The following EXOC2 variants were observed in gnomAD, a reference collection of about 807,000 sequenced individuals.
EXOC2 encodes the protein SEC5-like 1.
EXOC2 carries 70 observed loss-of-function variants against 131.8 expected under a neutral mutation model. The ratio of observed to expected loss-of-function variants is 0.53; its 90% confidence interval spans 0.44 to 0.65. The LOEUF is 0.65. EXOC2 is among the 30% of genes least tolerant of loss of function. EXOC2 has a pLI of 0.00. For missense variants in EXOC2, 923 were observed against 1,108.6 expected (o/e 0.83, Z 2.38); for synonymous variants, 411 against 398.4 (o/e 1.03, Z -0.38).
intron 3 of EXOC2, 58 bp downstream of exon 3, chr6:632,883 T>C: frequency 1.3e-6 from 2 of 1,530,610 alleles, no homozygotes; most frequent in Non-Finnish European, 1.8e-6. Flanking sequence ...GCTTTACAGC[T>C]TAAAAGACAA....
rs900187064 is a variant in EXOC2, at chr6:552,394, G to A, written c.2121+1460C>T. 9.2e-5 allele frequency among the ~76,000 whole-genome samples: 14 copies of A among 152,330 alleles called. No homozygotes were observed. In the South Asian group the frequency reaches 2.9e-3, roughly 32 times the overall value. ...CCTCATTTTGGGGTGGCTCGGGATG[G>A]CCCGCCACCACTCTTGGGGCGACTC... On this transcript the variant is annotated intron_variant, in intron 21 of 27. Transcript: ENST00000230449.
At chr6:670,600 C>A (rs769694505) in intron 1 of EXOC2, among the ~76,000 whole-genome samples, 2 of 152,002 alleles carry the variant, frequency 1.3e-5, no homozygotes, top group Non-Finnish European at 2.9e-5. Flanking sequence ...GCTTCAGTGA[C>A]CTTTCATTTC....
chr6:566,581 C>T (rs930710057), intron 13 of EXOC2, among the ~76,000 whole-genome samples: 2 of 152,214 alleles, frequency 1.3e-5, no homozygotes, highest in African/African-American at 2.4e-5. Context: ...AGAATCAGAA[C>T]GTGGTTGGTG....
intron 11 of EXOC2, among the ~76,000 whole-genome samples, chr6:580,274 T>G (rs1390140628): frequency 6.6e-6 from 1 of 152,164 alleles, no homozygotes; most frequent in African/African-American, 2.4e-5. Context: ...ACTCCTGACC[T>G]TGTGATCTGC....
In EXOC2 at chr6:491,135, G is replaced by A; in HGVS notation, c.2611C>T (p.Pro871Ser). The change falls in exon 26 of 28, where the codon CCC becomes TCC. Residue 871 changes from proline (P) to serine (S), a missense_variant. Coordinates refer to ENST00000230449, the MANE Select transcript of EXOC2 (RefSeq NM_018303.6). ...AACACTGCCACTTACTTGCTTTCGG[G>A]TGTCAGGTAAACAGCCACAGTGTCC... ...LRDTVAVYLT[P>S]ESKSSFKQAL... 6.2e-7 allele frequency: 1 copy of A among 1,614,082 alleles called. No individual in the cohort carries two copies. Among genetic ancestry groups the A allele is most frequent in the Non-Finnish European group, 8.5e-7 (1 of 1,180,012 alleles).
intron 23 of EXOC2, among the ~76,000 whole-genome samples, chr6:503,393 GC>G (rs909222350): frequency 6.6e-6 from 1 of 152,128 alleles, no homozygotes; most frequent in African/African-American, 2.4e-5. Context: ...AGTTTGACCT[GC>G]CAATATATGC....
At chr6:611,647 C>A (rs1760721319) in intron 6 of EXOC2, among the ~76,000 whole-genome samples, 1 of 152,190 alleles carries the variant, frequency 6.6e-6, no homozygotes, top group Non-Finnish European at 1.5e-5. Context: ...CTGATAAAGG[C>A]AATCCTATTT....
At chr6:497,634 G>C (rs576565549) in intron 24 of EXOC2, 145 bp from the exon 25 acceptor site, 54 of 1,063,992 alleles carry the variant, frequency 5.1e-5, no homozygotes, top group Non-Finnish European at 6.8e-5. Context: ...TAAATGAAAG[G>C]AAGATACAGA....
At position 549,309 on chromosome 6, in the gene EXOC2, G is replaced by A. The variant is rs1561844430; in HGVS notation, c.2122-18C>T. ...CGCTGTTCCTAAAAGCAAAACAAATGTTTAGAAAATCACCTTTATGGTGCC... is the reference window on the plus strand; with the variant it reads ...CGCTGTTCCTAAAAGCAAAACAAATATTTAGAAAATCACCTTTATGGTGCC... On this transcript the variant is annotated intron_variant, in intron 21 of 27. Transcript: ENST00000230449. 3 of 1,582,608 alleles carry A rather than the reference G, an allele frequency of 1.9e-6. No homozygotes were observed. The highest frequency in any genetic ancestry group is 2.6e-6 in the Non-Finnish European group (3 of 1,151,950).
intron 22 of EXOC2, among the ~76,000 whole-genome samples, chr6:545,981 C>T (rs1756830509): frequency 6.6e-6 from 1 of 151,994 alleles, no homozygotes. Context: ...AAAAATGTTT[C>T]TTTTTTTCTC....
chr6:613,469 A>C (rs1760820070), intron 6 of EXOC2, among the ~76,000 whole-genome samples: 1 of 149,064 alleles, frequency 6.7e-6, no homozygotes, highest in Non-Finnish European at 1.5e-5. Context: ...GAAAAAAACA[A>C]CAAAAAAAGA....
rs542819753 is a variant in EXOC2, at chr6:542,452, C to T, written c.2238+6723G>A. On this transcript the variant is annotated intron_variant, in intron 22 of 27. Coordinates refer to ENST00000230449, the MANE Select transcript of EXOC2 (RefSeq NM_018303.6). ...CTTCGGGAATGGAGGAGGAGAGGCCCTACAGGCTTAACAAAGGATGAGACA... is the reference window on the plus strand; with the variant it reads ...CTTCGGGAATGGAGGAGGAGAGGCCTTACAGGCTTAACAAAGGATGAGACA... Among the ~76,000 whole-genome samples the T allele has an allele frequency of 2.6e-5, 4 of 152,258 alleles. No homozygotes were observed. In the South Asian group the frequency reaches 8.3e-4, roughly 32 times the overall value.
chr6:619,965 A>G (rs1280325066), intron 4 of EXOC2, among the ~76,000 whole-genome samples: 1 of 152,240 alleles, frequency 6.6e-6, no homozygotes, highest in Non-Finnish European at 1.5e-5. Context: ...GATTTTTGTT[A>G]AAACCTAGAT....
chr6:495,275 G>A (rs1207426582), intron 25 of EXOC2, among the ~76,000 whole-genome samples: 18 of 151,878 alleles, frequency 1.2e-4, no homozygotes, highest in Non-Finnish European at 8.8e-5. Flanking sequence ...ACAGGCGCCC[G>A]CCACCGCGCC....
chr6:685,886 T>A (rs1764625940), intron 1 of EXOC2, among the ~76,000 whole-genome samples: 1 of 148,182 alleles, frequency 6.7e-6, no homozygotes, highest in African/African-American at 2.5e-5. Context: ...TTTTTTTTTT[T>A]TTTTTTTGAG....
In EXOC2 at chr6:576,853, C is replaced by A; in HGVS notation, c.1222G>T (p.Asp408Tyr). ...GNPGLHSPML[D>Y]LDNDTRPSVL... ...GAGGGACGTGTATCATTATCAAGAT[C>A]CAACATGGGACTGTGCAGGCCTGGG... The change falls in exon 12 of 28, where the codon GAT (aspartate) becomes TAT (tyrosine). Residue 408 changes from aspartate to tyrosine, a missense_variant. Asp to Tyr is a radical substitution (Grantham distance 160). Transcript: ENST00000230449. 1.9e-6 allele frequency: 3 copies of A among 1,614,018 alleles called. No homozygotes were observed. The highest frequency in any genetic ancestry group is 2.5e-6 in the Non-Finnish European group (3 of 1,179,988).
chr6:590,644 T>G (rs1200135506), intron 11 of EXOC2, among the ~76,000 whole-genome samples: 1 of 152,086 alleles, frequency 6.6e-6, no homozygotes, highest in Non-Finnish European at 1.5e-5. Context: ...CTAAGGACAT[T>G]TCTCTTTCAT....
rs879748452 is a variant in EXOC2 at position 529,121 on chromosome 6, C to CT, written c.2380+3347_2380+3348insA. ...CCCGGCATCGCCTGCCTTTTACCCC[C>CT]CCCCGCGCCCTGGTTACTGCTCACT... On this transcript the variant is annotated intron_variant, in intron 23 of 27. Transcript: ENST00000230449. Among the ~76,000 whole-genome samples the CT allele has an allele frequency of 2.0e-4, 29 of 142,178 alleles. 2 individuals carry two copies. In the South Asian group the frequency reaches 6.2e-3, roughly 30 times the overall value. 93.3% of individuals were successfully genotyped at this position (142,178 alleles called of 152,430 possible).
intron 7 of EXOC2, among the ~76,000 whole-genome samples, chr6:604,546 GCTCA>G (rs936684296): frequency 3.3e-5 from 5 of 152,078 alleles, no homozygotes; most frequent in Non-Finnish European, 7.4e-5. Context: ...TTCTGCGATG[GCTCA>G]CTATTTGTCT....
Sources: allele counts gnomAD v4.1 joint callset (sites outside exome capture counted in the v4.1 genomes callset), GRCh38; gene constraint gnomAD v4.1.1; transcripts MANE v1.5; gene names NCBI Gene and HGNC (gene_info 2026-07-23, HGNC 2026-07-21).